The following DZIP3 variants were observed in gnomAD, a reference collection of about 807,000 sequenced individuals.
The protein encoded by DZIP3 is DAZ interacting zinc finger protein 3, also known as E3 ubiquitin-protein ligase DZIP3.
Under a neutral mutation model 162.0 loss-of-function variants are expected in DZIP3, and 118 were observed. The ratio of observed to expected loss-of-function variants is 0.73; its 90% CI spans 0.63 to 0.85. The LOEUF is 0.85. Among genes scored for constraint, DZIP3 ranks in the 40% least tolerant of loss-of-function variants. The probability of loss-of-function intolerance (pLI) is 0.00; values close to 1 mark genes in which losing one functional copy is unlikely to be tolerated. For missense variants in DZIP3, 1,331 were observed against 1,407.0 expected (o/e 0.95, Z 0.86); for synonymous variants, 438 against 458.6 (o/e 0.96, Z 0.57).
At position 108,669,739 on chromosome 3, in the gene DZIP3, T is replaced by G. The variant is rs778581424; in HGVS notation, c.2482T>G (p.Ser828Ala). ...NEIKNLKEQL[S>A]MKRSQWEMEK... ...AATCAAGAACCTTAAAGAGCAACTT[T>G]CTATGAAAAGGTACAAACTTAGCTT... Residue 828 changes from serine (S) to alanine (A), a missense_variant, in exon 22 of 33, where the codon TCT (serine) becomes GCT (alanine). Ser to Ala is a moderately conservative substitution (Grantham distance 99, BLOSUM62 1). Coordinates refer to ENST00000361582, the MANE Select transcript of DZIP3 (RefSeq NM_014648.4). The G allele has an allele frequency of 1.4e-5, 23 of 1,610,854 alleles. No homozygotes were observed. In the East Asian group the frequency reaches 4.2e-4, roughly 30 times the overall value.
intron 21 of DZIP3, 86 bp from the exon 22 acceptor site, chr3:108,669,595 C>T (rs1943844199): frequency 3.2e-6 from 4 of 1,234,336 alleles, no homozygotes; most frequent in Non-Finnish European, 4.6e-6. Context: ...ACTTTATCTC[C>T]TCCACAGCTG....
At chr3:108,660,660 C>T (rs1192467966) in intron 19 of DZIP3, among the ~76,000 whole-genome samples, 1 of 152,132 alleles carries the variant, frequency 6.6e-6, no homozygotes, top group African/African-American at 2.4e-5. Flanking sequence ...AACTAAAGAG[C>T]TTCTGCACAG....
intron 26 of DZIP3, among the ~76,000 whole-genome samples, chr3:108,682,028 G>A (rs1433535702): frequency 2.0e-5 from 3 of 150,096 alleles, no homozygotes; most frequent in Non-Finnish European, 4.4e-5. Flanking sequence ...GTATACCTAT[G>A]AAACAAACCT....
chr3:108,608,185 C>CT (rs1940487704), intron 3 of DZIP3, 27 bp downstream of exon 3: 1 of 1,499,236 alleles, frequency 6.7e-7, no homozygotes, highest in African/African-American at 1.8e-5. Context: ...TTTTCATTAA[C>CT]TGTTAGTTAA....
At chr3:108,593,372 CTA>C (rs1237039076) in intron 1 of DZIP3, among the ~76,000 whole-genome samples, 2 of 152,116 alleles carry the variant, frequency 1.3e-5, no homozygotes, top group Non-Finnish European at 2.9e-5. Flanking sequence ...AGTAACAATC[CTA>C]TGTTTTTCTT....
At chr3:108,628,170 C>CTG (rs1941673865) in intron 7 of DZIP3, among the ~76,000 whole-genome samples, 1 of 152,178 alleles carries the variant, frequency 6.6e-6, no homozygotes, top group Non-Finnish European at 1.5e-5. Context: ...AGCCACCGCA[C>CTG]CCAGCCAGTA....
intron 19 of DZIP3, 170 bp downstream of exon 19, chr3:108,654,480 G>C: frequency 4.7e-5 from 30 of 638,452 alleles, no homozygotes; most frequent in Admixed American, 6.3e-5. Flanking sequence ...ATAGAATAAG[G>C]AAAAAAAAGA....
At chr3:108,655,473 G>T (rs1337312261) in intron 19 of DZIP3, among the ~76,000 whole-genome samples, 1 of 152,134 alleles carries the variant, frequency 6.6e-6, no homozygotes, top group Admixed American at 6.5e-5. Flanking sequence ...CAATAAAAGC[G>T]TTACCCTTAC....
At chr3:108,637,664 G>T in intron 12 of DZIP3, 116 bp downstream of exon 12, 2 of 460,076 alleles carry the variant, frequency 4.3e-6, no homozygotes, top group Middle Eastern at 5.4e-4. Flanking sequence ...TTTAAGGTAT[G>T]TGAAAAAATC....
At chr3:108,691,105 T>A in intron 32 of DZIP3, 1 of 514,328 alleles carries the variant, frequency 1.9e-6, no homozygotes, top group South Asian at 2.6e-5. Flanking sequence ...TTTTAATAGT[T>A]ACACTATATA....
rs1942844964 is a variant in DZIP3 at position 108,651,128 on chromosome 3, AT to A, written c.2008-4del. ...GATATAGATTACTAATTCTTATGTT[AT>A]TTTTCAGAATAAAGACTCAAAAGAA... On this transcript the variant is annotated splice_polypyrimidine_tract_variant and splice_region_variant and intron_variant, in intron 17 of 32. Coordinates refer to ENST00000361582, the MANE Select transcript of DZIP3 (RefSeq NM_014648.4). 3 of 715,908 alleles carry A rather than the reference AT, an allele frequency of 4.2e-6. No homozygotes were observed. The highest frequency in any genetic ancestry group is 3.6e-5 in the Admixed American group (1 of 27,482). 44.3% of individuals were successfully genotyped at this position (715,908 alleles called of 1,614,324 possible). A position where few individuals can be genotyped will look rare whatever the true frequency, so the allele number is the denominator to read the frequency against.
intron 19 of DZIP3, among the ~76,000 whole-genome samples, chr3:108,660,658 A>T (rs1017295517): frequency 2.0e-4 from 31 of 152,224 alleles, no homozygotes; most frequent in African/African-American, 7.2e-4. Flanking sequence ...TAAACTAAAG[A>T]GCTTCTGCAC....
intron 1 of DZIP3, among the ~76,000 whole-genome samples, chr3:108,592,570 C>A (rs1026455948): frequency 6.6e-6 from 1 of 151,922 alleles, no homozygotes; most frequent in African/African-American, 2.4e-5. Context: ...GTGGTGCATG[C>A]CTGTAGTCCC....
chr3:108,605,068 C>A, intron 1 of DZIP3, among the ~76,000 whole-genome samples: 1 of 152,164 alleles, frequency 6.6e-6, no homozygotes, highest in Non-Finnish European at 1.5e-5. Flanking sequence ...ATGAAAGATT[C>A]TTTTGATATA....
intron 1 of DZIP3, among the ~76,000 whole-genome samples, chr3:108,600,710 T>G (rs1939958552): frequency 6.6e-6 from 1 of 152,196 alleles, no homozygotes; most frequent in Non-Finnish European, 1.5e-5. Context: ...ATAGGAACAC[T>G]TATATAGTGC....
chr3:108,669,931 G>C (rs956855034), intron 22 of DZIP3, among the ~76,000 whole-genome samples, 182 bp downstream of exon 22: 3 of 151,822 alleles, frequency 2.0e-5, no homozygotes, highest in Non-Finnish European at 4.4e-5. Flanking sequence ...TAGGCAAATA[G>C]GGAGGTATGG....
intron 14 of DZIP3, 76 bp from the exon 15 acceptor site, chr3:108,646,541 C>G (rs1426916007): frequency 2.0e-6 from 2 of 1,017,052 alleles, no homozygotes; most frequent in Non-Finnish European, 3.1e-6. Context: ...TAAAAATATT[C>G]TGCCTTAATC....
At chr3:108,654,357 G>T (rs752800690) in intron 19 of DZIP3, 47 bp downstream of exon 19, 11 of 1,603,838 alleles carry the variant, frequency 6.9e-6, no homozygotes, top group Non-Finnish European at 7.7e-6. Flanking sequence ...TTGTTATCTG[G>T]TTTTTCCTGT....
intron 28 of DZIP3, 52 bp from the exon 29 acceptor site, chr3:108,687,924 A>G (rs755092966): frequency 1.2e-6 from 2 of 1,610,486 alleles, no homozygotes; most frequent in South Asian, 1.1e-5. Context: ...TACATCCTCA[A>G]AGGTACTAAG....
Sources: gnomAD v4.1 joint callset for allele counts (sites outside exome capture counted in the v4.1 genomes callset) on GRCh38, gnomAD v4.1.1 for gene constraint, MANE v1.5 for transcripts, NCBI Gene and HGNC (gene_info 2026-07-23, HGNC 2026-07-21) for gene names.